SLC2A13: variants seen among roughly 807,000 people sequenced by gnomAD.
The protein encoded by SLC2A13 is solute carrier family 2 member 13.
SLC2A13 carries 32 observed loss-of-function variants against 64.4 expected under a neutral mutation model. The ratio of observed to expected loss-of-function variants is 0.50; its 90% CI spans 0.37 to 0.67. The LOEUF (loss-of-function observed/expected upper bound fraction) is 0.67. Ranked by LOEUF, SLC2A13 falls within the 30% of genes least tolerant of loss-of-function variation. The probability of loss-of-function intolerance (pLI) is 0.00; values close to 1 mark genes in which losing one functional copy is unlikely to be tolerated. For missense variants in SLC2A13, 743 were observed against 829.2 expected, an observed-to-expected ratio of 0.90 and a Z score of 1.28; for synonymous variants, 338 against 327.1, an observed-to-expected ratio of 1.03 and a Z score of -0.36.
intron 3 of SLC2A13, among the ~76,000 whole-genome samples, chr12:39,960,461 A>C (rs1001810927): frequency 6.6e-6 from 1 of 152,114 alleles, no homozygotes; most frequent in Admixed American, 6.5e-5. Context: ...GCTCACTGCA[A>C]CCTCTGCCTT....
At chr12:40,052,234 G>A (rs965827884) in intron 1 of SLC2A13, among the ~76,000 whole-genome samples, 4 of 152,154 alleles carry the variant, frequency 2.6e-5, no homozygotes, top group Non-Finnish European at 5.9e-5. Context: ...TAAGTGGCCT[G>A]CTTGATGGTG....
At chr12:40,072,174 T>C (rs936163161) in intron 1 of SLC2A13, among the ~76,000 whole-genome samples, 1 of 152,144 alleles carries the variant, frequency 6.6e-6, no homozygotes, top group African/African-American at 2.4e-5. Flanking sequence ...TATTTAGAAG[T>C]GTGTTGTTTA....
chr12:39,971,983 G>GAAAA (rs1174701447), intron 3 of SLC2A13, among the ~76,000 whole-genome samples: 7,074 of 95,626 alleles, frequency 0.074, 613 homozygotes, highest in Non-Finnish European at 0.096. Context: ...AGTGTCTCCA[G>GAAAA]AAAAAAAAAA....
chr12:40,077,633 A>G (rs1407742424), intron 1 of SLC2A13, among the ~76,000 whole-genome samples: 1 of 152,062 alleles, frequency 6.6e-6, no homozygotes, highest in Non-Finnish European at 1.5e-5. Context: ...TTGGCTATGC[A>G]TTCTCTTTTT....
At position 40,017,435 on chromosome 12, in the gene SLC2A13, C is replaced by T. The variant is rs1206458300; in HGVS notation, c.925+10866G>A. On this transcript the variant is annotated intron_variant, in intron 3 of 9. Transcript: ENST00000280871. The stretch of plus-strand genomic sequence containing the variant: ...GTATAAAATCCCAGAATTTCTCCCT[C>T]TTCTTTAAGGATTTCCTCATTAATA... Among the ~76,000 whole-genome samples the T allele has an allele frequency of 3.9e-5, 6 of 152,216 alleles. 1 individual carries two copies. The highest frequency in any genetic ancestry group is 3.9e-4 in the Admixed American group (6 of 15,276).
intron 4 of SLC2A13, among the ~76,000 whole-genome samples, chr12:39,937,626 G>A (rs534919565): frequency 3.9e-5 from 6 of 152,248 alleles, no homozygotes; most frequent in African/African-American, 1.4e-4. Context: ...TTCTAAAGAT[G>A]TCCTGAGGCA....
chr12:39,784,421 C>G lies in SLC2A13; in HGVS notation c.1446-19563G>C, dbSNP rs139406602. On this transcript the variant is annotated intron_variant, in intron 7 of 9. Transcript: ENST00000280871. ...AACAGAGCCCGCAGAAATAATGCCA[C>G]ACATCTACAACCATCTGATCTTTGA... Among the ~76,000 whole-genome samples the G allele has an allele frequency of 1.1e-4, 16 of 152,270 alleles. No homozygotes were observed. The East Asian group carries it at 3.1e-3, about 29-fold the overall frequency.
chr12:39,797,682 T>A (rs1458152735), intron 7 of SLC2A13, among the ~76,000 whole-genome samples: 1 of 150,412 alleles, frequency 6.6e-6, no homozygotes, highest in African/African-American at 2.5e-5. Flanking sequence ...TGCTTTCAAA[T>A]AAAATGAAAA....
At chr12:39,959,612 C>A (rs1391009532) in intron 3 of SLC2A13, among the ~76,000 whole-genome samples, 1 of 152,144 alleles carries the variant, frequency 6.6e-6, no homozygotes, top group East Asian at 1.9e-4. Flanking sequence ...AAAATATTTT[C>A]TTTGTCAAAA....
intron 7 of SLC2A13, among the ~76,000 whole-genome samples, chr12:39,784,624 A>T (rs1941118376): frequency 6.6e-6 from 1 of 152,232 alleles, no homozygotes; most frequent in Admixed American, 6.5e-5. Flanking sequence ...TAAAAACCCT[A>T]GAAGAAAATC....
At chr12:39,819,734 T>C (rs1384312627) in intron 7 of SLC2A13, 1 of 152,452 alleles carries the variant, frequency 6.6e-6, no homozygotes, top group African/African-American at 2.4e-5. Flanking sequence ...TGAGTCTTTT[T>C]AATATGCTTT....
chr12:40,093,125 A>C (rs1014534148), intron 1 of SLC2A13, among the ~76,000 whole-genome samples: 1 of 152,258 alleles, frequency 6.6e-6, no homozygotes, highest in Non-Finnish European at 1.5e-5. Flanking sequence ...CCCTAGATAC[A>C]TGGAGAGACT....
intron 4 of SLC2A13, among the ~76,000 whole-genome samples, chr12:39,941,109 T>A (rs1157716901): frequency 9.1e-6 from 1 of 109,422 alleles, no homozygotes; most frequent in Non-Finnish European, 1.9e-5. Context: ...TATAGCTGCA[T>A]AGTATTCCAT....
intron 3 of SLC2A13, among the ~76,000 whole-genome samples, chr12:39,980,302 G>T (rs1946864509): frequency 6.6e-6 from 1 of 151,780 alleles, no homozygotes; most frequent in Non-Finnish European, 1.5e-5. Flanking sequence ...CATAATGACA[G>T]GATCAAATTC....
At chr12:40,022,647 G>C (rs1039916510) in intron 3 of SLC2A13, among the ~76,000 whole-genome samples, 3 of 152,140 alleles carry the variant, frequency 2.0e-5, no homozygotes, top group Non-Finnish European at 4.4e-5. Context: ...GGCCAGCCTG[G>C]CCAACGCGGT....
intron 7 of SLC2A13, among the ~76,000 whole-genome samples, chr12:39,771,840 G>A (rs1465480224): frequency 6.6e-6 from 1 of 151,972 alleles, no homozygotes; most frequent in Non-Finnish European, 1.5e-5. Context: ...ACCTTATCTT[G>A]TACTCCTGTA....
intron 1 of SLC2A13, among the ~76,000 whole-genome samples, chr12:40,074,645 C>A (rs927212425): frequency 6.6e-6 from 1 of 152,156 alleles, no homozygotes; most frequent in African/African-American, 2.4e-5. Context: ...ATTCCAGAAC[C>A]CCTGACATAT....
chr12:39,870,191 T>A lies in SLC2A13; in HGVS notation c.1198+1607A>T, dbSNP rs145449010. 2.8e-3 allele frequency among the ~76,000 whole-genome samples: 425 copies of A among 152,298 alleles called. 1 individual carries two copies. Among genetic ancestry groups the A allele is most frequent in the Non-Finnish European group, 4.6e-3 (313 of 68,012 alleles). Reference sequence around the variant, plus strand: ...TCCCAAATTGAAGAAGCAATTAAGTTCTATTTAAAAAATAGACTTCTTGAG... The same window carrying A: ...TCCCAAATTGAAGAAGCAATTAAGTACTATTTAAAAAATAGACTTCTTGAG... On this transcript the variant is annotated intron_variant, in intron 5 of 9. Transcript: ENST00000280871.
intron 6 of SLC2A13, among the ~76,000 whole-genome samples, chr12:39,846,619 T>C (rs897603031): frequency 3.9e-5 from 6 of 152,148 alleles, no homozygotes; most frequent in Non-Finnish European, 5.9e-5. Context: ...GTGTGGCTAA[T>C]TTTTTGTATT....
Sources: allele counts gnomAD v4.1 joint callset (sites outside exome capture counted in the v4.1 genomes callset), GRCh38; gene constraint gnomAD v4.1.1; transcripts MANE v1.5; gene names NCBI Gene and HGNC (gene_info 2026-07-23, HGNC 2026-07-21).